FLT1: variants seen among roughly 807,000 people sequenced by gnomAD.
FLT1 encodes vascular endothelial growth factor receptor 1.
In FLT1, 49 loss-of-function variants were observed where a neutral mutation model predicts 156.3. The ratio of observed to expected loss-of-function variants is 0.31; its 90% CI spans 0.25 to 0.40. The LOEUF (loss-of-function observed/expected upper bound fraction) is 0.40. Ranked by LOEUF, FLT1 falls within the 10% of genes least tolerant of loss-of-function variation. The probability of loss-of-function intolerance (pLI) is 1.00; values close to 1 mark genes in which losing one functional copy is unlikely to be tolerated. For missense variants in FLT1, 1,322 were observed against 1,637.2 expected, an observed-to-expected ratio of 0.81 and a Z score of 3.32; for synonymous variants, 594 against 583.8, an observed-to-expected ratio of 1.02 and a Z score of -0.25.
chr13:28,352,409 C>T (rs1433944157), intron 15 of FLT1, among the ~76,000 whole-genome samples: 1 of 152,166 alleles, frequency 6.6e-6, no homozygotes, highest in Non-Finnish European at 1.5e-5. Flanking sequence ...CACCAAGTTC[C>T]CTAGGCCTAA....
intron 14 of FLT1, among the ~76,000 whole-genome samples, chr13:28,370,331 G>A (rs952739682): frequency 6.6e-6 from 1 of 152,126 alleles, no homozygotes; most frequent in African/African-American, 2.4e-5. Context: ...TGGGGGGAGA[G>A]GGGAAGGATA....
intron 24 of FLT1, 46 bp from the exon 25 acceptor site, chr13:28,317,643 G>GGT (rs1566282572): frequency 1.6e-6 from 2 of 1,238,864 alleles, no homozygotes; most frequent in Admixed American, 3.4e-5. Context: ...ATGGCTTAAG[G>GGT]GTACAAAAGA....
At position 28,350,392 on chromosome 13, in the gene FLT1, G is replaced by A. The variant is rs538687360; in HGVS notation, c.2249-4841C>T. Among the ~76,000 whole-genome samples, 16 of 152,238 alleles carry A rather than the reference G, an allele frequency of 1.1e-4. 1 individual carries two copies. The South Asian group carries it at 2.9e-3, about 28-fold the overall frequency. ...TCCCAGGCTTTATACCATCCCTTTT[G>A]GAATAGGGAGGGGAGATGCCACACC... On this transcript the variant is annotated intron_variant, in intron 15 of 29. Coordinates refer to ENST00000282397, the MANE Select transcript of FLT1 (RefSeq NM_002019.4).
intron 3 of FLT1, among the ~76,000 whole-genome samples, chr13:28,456,047 G>A (rs1838080570): frequency 6.6e-6 from 1 of 152,178 alleles, no homozygotes; most frequent in African/African-American, 2.4e-5. Flanking sequence ...CAGCCACTTT[G>A]GAAGACGGTT....
At chr13:28,406,710 A>T (rs902675811) in intron 10 of FLT1, among the ~76,000 whole-genome samples, 1 of 151,996 alleles carries the variant, frequency 6.6e-6, no homozygotes, top group Admixed American at 6.6e-5. Context: ...CAGTGGTGCA[A>T]TCATAGGTCA....
intron 15 of FLT1, among the ~76,000 whole-genome samples, chr13:28,347,294 G>A (rs897553280): frequency 5.3e-5 from 8 of 151,950 alleles, no homozygotes; most frequent in African/African-American, 1.9e-4. Context: ...AGGCCGAGAC[G>A]GGCAGATCAC....
intron 1 of FLT1, among the ~76,000 whole-genome samples, chr13:28,478,369 A>T (rs1417124572): frequency 2.0e-5 from 3 of 152,186 alleles, no homozygotes; most frequent in Non-Finnish European, 4.4e-5. Context: ...TGCTTTCATT[A>T]CTGTTCAGTG....
intron 15 of FLT1, among the ~76,000 whole-genome samples, chr13:28,349,556 C>G (rs1156802933): frequency 6.6e-6 from 1 of 152,204 alleles, no homozygotes; most frequent in Non-Finnish European, 1.5e-5. Context: ...TCTCAGGACA[C>G]AGTGGCCTTT....
chr13:28,358,336 C>T (rs750497810), intron 14 of FLT1, among the ~76,000 whole-genome samples: 2 of 152,180 alleles, frequency 1.3e-5, no homozygotes, highest in African/African-American at 2.4e-5. Flanking sequence ...CATGCCTTAG[C>T]GCTTCAAGCT....
chr13:28,451,260 T>C (rs1446071235), intron 3 of FLT1, among the ~76,000 whole-genome samples: 2 of 152,010 alleles, frequency 1.3e-5, no homozygotes, highest in Non-Finnish European at 2.9e-5. Context: ...CCGCCTCTAC[T>C]AAAATACAAA....
In FLT1 at chr13:28,384,947, T is replaced by G; in HGVS notation, c.2054A>C (p.Asn685Thr). The stretch of plus-strand genomic sequence containing the variant: ...AGTGATCTGAGGCTCGGGGACACCA[T>G]TAGCATGACAGTCTAAAGTGGTGGA... ...SSSTTLDCHA[N>T]GVPEPQITWF... The change falls in exon 14 of 30, where the codon AAT (asparagine) becomes ACT (threonine). Residue 685 changes from asparagine to threonine, a missense_variant. This residue lies in a region of FLT1 where 991 missense variants were observed against 1,254.8 expected (regional missense o/e 0.79). Coordinates refer to ENST00000282397, the MANE Select transcript of FLT1 (RefSeq NM_002019.4). 6.2e-7 allele frequency: 1 copy of G among 1,614,064 alleles called. No homozygotes were observed. The highest frequency in any genetic ancestry group is 8.5e-7 in the Non-Finnish European group (1 of 1,179,918).
intron 14 of FLT1, among the ~76,000 whole-genome samples, chr13:28,379,442 CGAAG>C (rs2137440796): frequency 6.6e-6 from 1 of 152,150 alleles, no homozygotes; most frequent in South Asian, 2.1e-4. Flanking sequence ...CCCAGAGGAC[CGAAG>C]GGAGAAGAGG....
Position 28,431,195 on chromosome 13 carries a change from G to A in FLT1, c.929C>T (p.Thr310Ile). 6.2e-7 allele frequency: 1 copy of A among 1,613,592 alleles called. No homozygotes were observed. The change falls in exon 7 of 30, where the codon ACT becomes ATT. Residue 310 changes from threonine (T) to isoleucine (I), a missense_variant. Physicochemically the swap from Thr to Ile is moderately conservative, Grantham distance 89. Coordinates refer to ENST00000282397, the MANE Select transcript of FLT1 (RefSeq NM_002019.4). Reference sequence around the variant, plus strand: ...TGATGGTCCACTCCTTACACGACAAGTATAAAGTCCTTTGTCTTTGTTCTG... The same window carrying A: ...TGATGGTCCACTCCTTACACGACAAATATAAAGTCCTTTGTCTTTGTTCTG... ...KMQNKDKGLYTCRVRSGPSFK... is the reference protein window; with the variant it reads ...KMQNKDKGLYICRVRSGPSFK...
At chr13:28,427,121 A>C (rs749911754) in intron 10 of FLT1, 38 bp downstream of exon 10, 15 of 1,585,520 alleles carry the variant, frequency 9.5e-6, no homozygotes, top group Non-Finnish European at 1.3e-5. Flanking sequence ...GGTGTCAAAA[A>C]GTATTTGAAA....
In FLT1 at chr13:28,339,246, C is replaced by T; in HGVS notation, c.2410G>A (p.Val804Ile). Residue 804 changes from valine to isoleucine, a missense_variant, in exon 17 of 30, where the codon GTT becomes ATT. This residue lies in a region of FLT1 where 991 missense variants were observed against 1,254.8 expected (regional missense o/e 0.79). Transcript: ENST00000282397. ...CGCTCACACTGCTCATCCAAAGGAA[C>T]TTCATCTGGGTCCATTATAATTGAT... The part of the protein sequence containing the change: ...YLSIIMDPDE[V>I]PLDEQCERLP... The T allele has an allele frequency of 6.2e-7, 1 of 1,613,672 alleles. No individual in the cohort carries two copies. Among genetic ancestry groups the T allele is most frequent in the South Asian group, 1.1e-5 (1 of 91,074 alleles).
chr13:28,385,582 C>T (rs1874311610), intron 13 of FLT1: 7 of 1,014,782 alleles, frequency 6.9e-6, no homozygotes, highest in Non-Finnish European at 8.3e-6. Context: ...TGGTTCTTTC[C>T]TTTCTCCATT....
chr13:28,385,399 T>C (rs1219934138), intron 13 of FLT1: 3 of 625,566 alleles, frequency 4.8e-6, no homozygotes, highest in Non-Finnish European at 6.5e-6. Flanking sequence ...GTGTATAGTC[T>C]TGTAATGATT....
rs375482492 is a variant in FLT1 at position 28,302,235 on chromosome 13, C to G, written c.*932G>C. The G allele has an allele frequency of 3.0e-5, 7 of 233,214 alleles. No individual in the cohort carries two copies. Among genetic ancestry groups the G allele is most frequent in the African/African-American group, 1.5e-4 (7 of 45,456 alleles). 14.4% of individuals were successfully genotyped at this position (233,214 alleles called of 1,614,324 possible). A position where few individuals can be genotyped will look rare whatever the true frequency, so the allele number is the denominator to read the frequency against. On this transcript the variant is annotated 3_prime_UTR_variant, in exon 30 of 30. Transcript: ENST00000282397. ...CAAGAAATTGAGTTAAGTGTCTGGA[C>G]TATATATTAATACCCAAAATAGAAT... is the stretch of plus-strand genomic sequence containing the variant.
rs573288049 is a variant in FLT1 at position 28,317,394 on chromosome 13, C to CA, written c.3386+103_3386+104insT. 1,319 of 815,014 alleles carry CA rather than the reference C, an allele frequency of 1.6e-3. 3 individuals are homozygous for CA. The highest frequency in any genetic ancestry group is 2.4e-3 in the Non-Finnish European group (1,110 of 460,468). The allele number at this position is 815,014 out of a possible 1,614,324, so 50.5% of individuals were successfully genotyped here. ...CTAAAGGAAAGAAGAACCTTGGCATCTTCCAAGACTGGGACTCTAAGAATC... is the reference window on the plus strand; with the variant it reads ...CTAAAGGAAAGAAGAACCTTGGCATCATTCCAAGACTGGGACTCTAAGAATC... On this transcript the variant is annotated intron_variant, in intron 25 of 29. Coordinates refer to ENST00000282397, the MANE Select transcript of FLT1 (RefSeq NM_002019.4).
Sources: allele counts gnomAD v4.1 joint callset (sites outside exome capture counted in the v4.1 genomes callset), GRCh38; gene constraint gnomAD v4.1.1; regional missense constraint gnomAD v4.1.1; transcripts MANE v1.5; gene names NCBI Gene and HGNC (gene_info 2026-07-23, HGNC 2026-07-21).